Variants in GRIP1 observed in about 807,000 individuals in gnomAD.
The protein encoded by GRIP1 is glutamate receptor interacting protein 1.
A neutral mutation model predicts 129.9 loss-of-function variants in GRIP1; 45 were observed. The observed-to-expected ratio is 0.35, with a 90% CI of 0.27 to 0.44. The LOEUF (loss-of-function observed/expected upper bound fraction) is 0.44, where lower values mean the gene tolerates loss of function less well. Among genes scored for constraint, GRIP1 ranks in the 20% least tolerant of loss-of-function variants. The pLI, the probability that GRIP1 is intolerant of heterozygous loss-of-function variation, is 1.00. For synonymous variants in GRIP1, 530 were observed against 520.8 expected (o/e 1.02, Z -0.24); for missense variants, 1,196 against 1,396.8 (o/e 0.86, Z 2.29).
At chr12:66,424,055 T>C (rs947908940) in intron 14 of GRIP1, among the ~76,000 whole-genome samples, 3 of 152,204 alleles carry the variant, frequency 2.0e-5, no homozygotes, top group Non-Finnish European at 4.4e-5. Context: ...GTCACTTGTA[T>C]CTCCAATGCA....
In GRIP1 at chr12:67,066,172, G is replaced by A. The variant is rs146902891; in HGVS notation, c.58+2878C>T. Reference sequence around the variant, plus strand: ...TAGCAATAGCTTCATCTTGACACAGGCCTTCGAGATGAACCCGAGTAATGA... The same window carrying A: ...TAGCAATAGCTTCATCTTGACACAGACCTTCGAGATGAACCCGAGTAATGA... On this transcript the variant is annotated intron_variant, in intron 1 of 1. Transcript: ENST00000643019. 6.6e-5 allele frequency among the ~76,000 whole-genome samples: 10 copies of A among 152,228 alleles called. No homozygotes were observed. In the East Asian group the frequency reaches 1.9e-3, roughly 29 times the overall value.
At chr12:66,896,091 C>T (rs747335994) in intron 1 of GRIP1, among the ~76,000 whole-genome samples, 27 of 152,128 alleles carry the variant, frequency 1.8e-4, no homozygotes, top group East Asian at 3.9e-4. Flanking sequence ...GCATAAAATG[C>T]GAGAAAAACT....
chr12:66,675,928 G>T (rs2034306013), intron 1 of GRIP1, among the ~76,000 whole-genome samples: 1 of 152,126 alleles, frequency 6.6e-6, no homozygotes, highest in African/African-American at 2.4e-5. Flanking sequence ...TGAAACAGTG[G>T]CTTGAAACAT....
At chr12:66,984,554 T>C (rs1334338418) in intron 1 of GRIP1, among the ~76,000 whole-genome samples, 1 of 152,172 alleles carries the variant, frequency 6.6e-6, no homozygotes, top group African/African-American at 2.4e-5. Flanking sequence ...ACAACAACTC[T>C]ATGAGGTAAT....
intron 1 of GRIP1, among the ~76,000 whole-genome samples, chr12:66,810,196 A>G (rs2039076203): frequency 6.6e-6 from 1 of 152,186 alleles, no homozygotes; most frequent in Admixed American, 6.5e-5. Flanking sequence ...AAACTGAAAA[A>G]TACTTCATGT....
intron 1 of GRIP1, among the ~76,000 whole-genome samples, chr12:66,815,858 C>CTTTCTTTCTCTCTCTA (rs1477155577): frequency 1.8e-5 from 1 of 56,346 alleles, no homozygotes. Context: ...CTTTCTTTCT[C>CTTTCTTTCTCTCTCTA]TCTCTCTCTC....
intron 2 of GRIP1, among the ~76,000 whole-genome samples, chr12:66,586,837 A>T (rs1217074261): frequency 6.6e-6 from 1 of 152,222 alleles, no homozygotes; most frequent in Non-Finnish European, 1.5e-5. Flanking sequence ...ATACTGTGGC[A>T]GCCTGCTAAC....
chr12:66,352,295 A>T (rs2137074339), intron 24 of GRIP1, among the ~76,000 whole-genome samples: 1 of 152,322 alleles, frequency 6.6e-6, no homozygotes, highest in South Asian at 2.1e-4. Context: ...GCATGTGAGC[A>T]GGGACCTGAA....
chr12:66,804,368 T>C (rs1304756465), upstream of GRIP1, among the ~76,000 whole-genome samples: 1 of 151,720 alleles, frequency 6.6e-6, no homozygotes, highest in African/African-American at 2.4e-5. Context: ...AAGAAAATAA[T>C]AGCGATATGG....
chr12:67,025,362 C>G (rs2074409457), intron 1 of GRIP1, among the ~76,000 whole-genome samples: 1 of 152,028 alleles, frequency 6.6e-6, no homozygotes. Flanking sequence ...CACACACATA[C>G]ACACACACAA....
chr12:67,015,080 C>T (rs2042765468), intron 1 of GRIP1, among the ~76,000 whole-genome samples: 1 of 152,132 alleles, frequency 6.6e-6, no homozygotes, highest in Non-Finnish European at 1.5e-5. Flanking sequence ...TTCTAAGACA[C>T]TATGACTTTT....
chr12:66,804,426 T>C (rs1470859456), upstream of GRIP1, among the ~76,000 whole-genome samples: 1 of 152,018 alleles, frequency 6.6e-6, no homozygotes, highest in East Asian at 1.9e-4. Context: ...CTGTCAAATC[T>C]GTAATTTTTT....
intron 1 of GRIP1, among the ~76,000 whole-genome samples, chr12:66,763,909 C>G (rs1031120760): frequency 7.2e-5 from 11 of 152,192 alleles, no homozygotes; most frequent in Admixed American, 6.5e-4. Context: ...CACTTGTATT[C>G]AAGTGACACA....
At chr12:66,724,280 G>A (rs1387981212) in intron 1 of GRIP1, among the ~76,000 whole-genome samples, 7 of 152,138 alleles carry the variant, frequency 4.6e-5, no homozygotes, top group Non-Finnish European at 1.0e-4. Context: ...ATACTTTCAT[G>A]AGACAGGAGC....
intron 1 of GRIP1, among the ~76,000 whole-genome samples, chr12:66,941,578 A>C (rs1271057280): frequency 6.6e-6 from 1 of 152,206 alleles, no homozygotes; most frequent in East Asian, 1.9e-4. Flanking sequence ...TCAAAGCTAC[A>C]CATTCCTTCA....
intron 1 of GRIP1, among the ~76,000 whole-genome samples, chr12:66,872,947 T>C (rs942234627): frequency 2.0e-5 from 3 of 152,052 alleles, no homozygotes; most frequent in African/African-American, 7.2e-5. Context: ...CAGGGAAGAA[T>C]TGAAGAGTGA....
At chr12:66,711,131 T>C (rs1363345163) in intron 1 of GRIP1, among the ~76,000 whole-genome samples, 1 of 151,906 alleles carries the variant, frequency 6.6e-6, no homozygotes, top group Admixed American at 6.6e-5. Flanking sequence ...CATAACCTGA[T>C]TTAGAGCTTG....
intron 2 of GRIP1, among the ~76,000 whole-genome samples, chr12:66,575,049 G>T (rs528463991): frequency 6.6e-6 from 1 of 152,062 alleles, no homozygotes; most frequent in Admixed American, 6.5e-5. Flanking sequence ...TGGGATTACA[G>T]GCATTAGCCA....
chr12:66,744,930 T>C (rs563951607), intron 1 of GRIP1, among the ~76,000 whole-genome samples: 2 of 152,320 alleles, frequency 1.3e-5, no homozygotes, highest in East Asian at 3.9e-4. Context: ...AAGAAATTAA[T>C]GAATTTGGCT....
Sources: gnomAD v4.1 joint callset for allele counts (sites outside exome capture counted in the v4.1 genomes callset) on GRCh38, gnomAD v4.1.1 for gene constraint, MANE v1.5 for transcripts, NCBI Gene and HGNC (gene_info 2026-07-23, HGNC 2026-07-21) for gene names.